TMEM87B: variants seen among roughly 807,000 people sequenced by gnomAD.
TMEM87B encodes the protein transmembrane protein 87B.
In TMEM87B, 83 loss-of-function variants were observed where a neutral mutation model predicts 80.3. That is an observed-to-expected ratio of 1.03 (90% CI 0.87 to 1.24). The LOEUF is 1.24. TMEM87B is among the 50% of genes most tolerant of loss of function. The pLI is 0.00. For synonymous variants in TMEM87B, 219 were observed against 230.5 expected, an observed-to-expected ratio of 0.95 and a Z score of 0.45; for missense variants, 625 against 674.4, an observed-to-expected ratio of 0.93 and a Z score of 0.81.
intron 1 of TMEM87B, among the ~76,000 whole-genome samples, chr2:112,056,105 T>C (rs1573671654): frequency 6.6e-6 from 1 of 152,082 alleles, no homozygotes; most frequent in East Asian, 1.9e-4. Flanking sequence ...AGCAGCATCT[T>C]TGGGATTCGA....
chr2:112,107,542 A>C (rs1374317512), intron 16 of TMEM87B, among the ~76,000 whole-genome samples: 1 of 152,072 alleles, frequency 6.6e-6, no homozygotes, highest in African/African-American at 2.4e-5. Flanking sequence ...CTCAGGACAA[A>C]AAAAATAATA....
intron 1 of TMEM87B, 65 bp downstream of exon 1, chr2:112,055,821 G>C: frequency 7.0e-7 from 1 of 1,433,370 alleles, no homozygotes. Flanking sequence ...GTGCGGCTTC[G>C]CTTGACCCCG....
At position 112,117,408 on chromosome 2, in the gene TMEM87B, T is replaced by C. The variant is rs896199939; in HGVS notation, c.*1265T>C. On this transcript the variant is annotated 3_prime_UTR_variant, in exon 19 of 19. Coordinates refer to ENST00000283206, the MANE Select transcript of TMEM87B (RefSeq NM_032824.3). ...ATCTTAACCGGCACAAACACTCCAA[T>C]TTTTTTCACTGTGAAGCCGCAAGCA... 1 of 152,160 alleles carries C rather than the reference T, an allele frequency of 6.6e-6. No individual in the cohort carries two copies. The highest frequency in any genetic ancestry group is 2.4e-5 in the African/African-American group (1 of 41,438). The allele number at this position is 152,160 out of a possible 1,614,324, so 9.4% of individuals were successfully genotyped here. A position where few individuals can be genotyped will look rare whatever the true frequency, so the allele number is the denominator to read the frequency against.
intron 11 of TMEM87B, chr2:112,095,331 C>T (rs1679436922): frequency 2.0e-6 from 2 of 984,460 alleles, no homozygotes; most frequent in South Asian, 4.7e-5. Flanking sequence ...AGCGCGCTCT[C>T]ACTTCAGGAT....
At position 112,055,375 on chromosome 2, in the gene TMEM87B, G is replaced by C. The variant is rs1678007709; in HGVS notation, c.-217G>C. 3.8e-6 allele frequency: 2 copies of C among 533,034 alleles called. No homozygotes were observed. Among genetic ancestry groups the C allele is most frequent in the Non-Finnish European group, 3.2e-6 (1 of 312,482 alleles). 33.0% of individuals were successfully genotyped at this position (533,034 alleles called of 1,614,324 possible). A position where few individuals can be genotyped will look rare whatever the true frequency, so the allele number is the denominator to read the frequency against. ...CCAGGCATCTCCCAGCTGCACGCTC[G>C]GGCCCGGCTCAGAGCCCTAAGCCCT... On this transcript the variant is annotated 5_prime_UTR_variant, in exon 1 of 19. Coordinates refer to ENST00000283206, the MANE Select transcript of TMEM87B (RefSeq NM_032824.3).
chr2:112,070,353 A>G (rs1410305258), intron 4 of TMEM87B, among the ~76,000 whole-genome samples: 1 of 152,224 alleles, frequency 6.6e-6, no homozygotes, highest in Non-Finnish European at 1.5e-5. Flanking sequence ...ATTTTTGTAT[A>G]TAATGTAAGC....
chr2:112,104,057 T>C (rs183219143), intron 15 of TMEM87B, among the ~76,000 whole-genome samples: 6 of 152,278 alleles, frequency 3.9e-5, no homozygotes, highest in Admixed American at 3.3e-4. Flanking sequence ...AAAAAAATCA[T>C]TAGACTTTTG....
intron 13 of TMEM87B, among the ~76,000 whole-genome samples, chr2:112,097,893 G>C (rs1318013673): frequency 6.6e-6 from 1 of 151,766 alleles, no homozygotes; most frequent in Non-Finnish European, 1.5e-5. Context: ...CCATGAAATT[G>C]AGTGGTTTGT....
rs1455371331 is a variant in TMEM87B at position 112,055,494 on chromosome 2, C to G, written c.-98C>G. 3.0e-6 allele frequency: 4 copies of G among 1,336,374 alleles called. No individual in the cohort carries two copies. The African/African-American group carries it at 4.6e-5, about 15-fold the overall frequency. The allele number at this position is 1,336,374 out of a possible 1,614,324, so 82.8% of individuals were successfully genotyped here. A position where few individuals can be genotyped will look rare whatever the true frequency, so the allele number is the denominator to read the frequency against. On this transcript the variant is annotated 5_prime_UTR_variant, in exon 1 of 19. Transcript: ENST00000283206. ...CCTCCTCCACACCCGAGTCCGAGCC[C>G]CGCGTCCCGGATTCGGACCCGCCTG...
chr2:112,088,578 GT>G (rs1437315068), intron 9 of TMEM87B, among the ~76,000 whole-genome samples: 4 of 151,904 alleles, frequency 2.6e-5, no homozygotes, highest in Non-Finnish European at 5.9e-5. Flanking sequence ...TTTTAAACCA[GT>G]TTTTTTCTTC....
intron 1 of TMEM87B, among the ~76,000 whole-genome samples, chr2:112,056,235 A>G (rs1002985508): frequency 3.3e-5 from 5 of 152,070 alleles, no homozygotes; most frequent in East Asian, 1.9e-4. Context: ...TTAAAAAAAA[A>G]AAAGAAAGAA....
intron 13 of TMEM87B, 81 bp downstream of exon 13, chr2:112,097,372 C>A: frequency 8.8e-7 from 1 of 1,130,976 alleles, no homozygotes; most frequent in Non-Finnish European, 1.3e-6. Context: ...TTTATGCTTG[C>A]AAATAGAGGT....
chr2:112,070,037 AATTT>A (rs1678576184), intron 4 of TMEM87B, among the ~76,000 whole-genome samples: 2 of 151,576 alleles, frequency 1.3e-5, no homozygotes, highest in African/African-American at 4.8e-5. Flanking sequence ...TTTTCTTGTA[AATTT>A]GTTTAAGTTC....
intron 17 of TMEM87B, among the ~76,000 whole-genome samples, chr2:112,110,883 G>T (rs1679893467): frequency 6.6e-6 from 1 of 152,162 alleles, no homozygotes; most frequent in South Asian, 2.1e-4. Context: ...CCCCTTCCGT[G>T]TAGCAGGTGC....
intron 15 of TMEM87B, among the ~76,000 whole-genome samples, chr2:112,102,577 C>T (rs1386827492): frequency 2.0e-5 from 3 of 151,820 alleles, no homozygotes; most frequent in Non-Finnish European, 4.4e-5. Context: ...GCCTGTAATC[C>T]CAGCTACTTA....
chr2:112,064,252 A>T lies in TMEM87B; in HGVS notation c.317A>T (p.Glu106Val), dbSNP rs1399967736. The T allele has an allele frequency of 2.6e-5, 42 of 1,612,908 alleles. No individual in the cohort carries two copies. Among genetic ancestry groups the T allele is most frequent in the Non-Finnish European group, 3.6e-5 (42 of 1,179,382 alleles). The change falls in exon 3 of 19, where the codon GAA (glutamate) becomes GTA (valine). Residue 106 changes from glutamate (E) to valine (V), a missense_variant and splice_region_variant. Glu to Val is a moderately radical substitution (Grantham distance 121). Transcript: ENST00000283206. ...TGTCACAATGAGCATTCTAATCTGG[A>T]AGTAAGTAAAACACAAGTTTTTAAT... Reference protein sequence around the residue: ...HTCHNEHSNLEELFQKHKLSV... With the variant: ...HTCHNEHSNLVELFQKHKLSV...
chr2:112,102,387 C>G (rs78282143), intron 15 of TMEM87B, among the ~76,000 whole-genome samples: 6 of 152,132 alleles, frequency 3.9e-5, no homozygotes. Flanking sequence ...CAGTATAATT[C>G]ATCATATTAA....
intron 16 of TMEM87B, among the ~76,000 whole-genome samples, chr2:112,107,521 T>C (rs1436359461): frequency 1.3e-5 from 2 of 152,164 alleles, no homozygotes; most frequent in Non-Finnish European, 2.9e-5. Flanking sequence ...TTTGTGTTTT[T>C]ACTGTGATTT....
At chr2:112,104,241 A>G (rs1179051988) in intron 15 of TMEM87B, among the ~76,000 whole-genome samples, 2 of 152,242 alleles carry the variant, frequency 1.3e-5, no homozygotes, top group Admixed American at 1.3e-4. Context: ...TCAAAATTTA[A>G]AATCTATGCT....
Sources: gnomAD v4.1 joint callset for allele counts (sites outside exome capture counted in the v4.1 genomes callset) on GRCh38, gnomAD v4.1.1 for gene constraint, MANE v1.5 for transcripts, NCBI Gene and HGNC (gene_info 2026-07-23, HGNC 2026-07-21) for gene names.